Variants in TAF4B observed in about 807,000 individuals in gnomAD.
The protein encoded by TAF4B is transcription initiation factor TFIID subunit 4B.
TAF4B carries 38 observed loss-of-function variants against 86.4 expected under a neutral mutation model. The observed-to-expected ratio is 0.44, with a 90% CI of 0.34 to 0.58. The LOEUF is 0.58. TAF4B is among the 20% of genes least tolerant of loss of function. TAF4B has a pLI of 0.02. For synonymous variants in TAF4B, 388 were observed against 391.2 expected (o/e 0.99, Z 0.10); for missense variants, 988 against 1,027.6 (o/e 0.96, Z 0.53).
rs759375978 is a variant in TAF4B, at chr18:26,315,427, G to C, written c.2002+29G>C. On this transcript the variant is annotated intron_variant, in intron 10 of 14. Coordinates refer to ENST00000269142, the MANE Select transcript of TAF4B (RefSeq NM_005640.3). ...AGTGTAGAGTTATGATTATTGACCTGATAGAGATGTCTGTTTGAGGGAAAA... is the reference window on the plus strand; with the variant it reads ...AGTGTAGAGTTATGATTATTGACCTCATAGAGATGTCTGTTTGAGGGAAAA... 5.3e-6 allele frequency: 8 copies of C among 1,510,014 alleles called. No homozygotes were observed. The East Asian group carries it at 1.8e-4, about 35-fold the overall frequency. The allele number at this position is 1,510,014 out of a possible 1,614,324, so 93.5% of individuals were successfully genotyped here.
intron 14 of TAF4B, among the ~76,000 whole-genome samples, chr18:26,387,623 A>G (rs1978449937): frequency 6.6e-6 from 1 of 152,170 alleles, no homozygotes; most frequent in South Asian, 2.1e-4. Context: ...ACACTTGTAC[A>G]AATTGCATTC....
At chr18:26,332,807 C>T (rs546541804) in intron 12 of TAF4B, among the ~76,000 whole-genome samples, 2 of 152,144 alleles carry the variant, frequency 1.3e-5, no homozygotes, top group South Asian at 4.2e-4. Context: ...GCTGGGATTA[C>T]AGGCGTGAGC....
At chr18:26,377,419 C>T (rs1361717966) in intron 14 of TAF4B, among the ~76,000 whole-genome samples, 1 of 152,018 alleles carries the variant, frequency 6.6e-6, no homozygotes. Context: ...GTCTTGTATC[C>T]TTTTTTATTC....
chr18:26,262,210 T>G (rs1598736597), intron 1 of TAF4B, among the ~76,000 whole-genome samples: 1 of 136,158 alleles, frequency 7.3e-6, no homozygotes, highest in Non-Finnish European at 1.6e-5. Context: ...GGATGGGGGG[T>G]GAGGATTGGG....
At chr18:26,315,152 C>CTG (rs1568148058) in intron 9 of TAF4B, 77 bp from the exon 10 acceptor site, 170 of 506,980 alleles carry the variant, frequency 3.4e-4, no homozygotes, top group Middle Eastern at 1.5e-3. Flanking sequence ...CTCTGTCTCT[C>CTG]TCTCTCTCTC....
intron 9 of TAF4B, among the ~76,000 whole-genome samples, chr18:26,304,495 T>C (rs1263755303): frequency 6.6e-6 from 1 of 152,226 alleles, no homozygotes; most frequent in Non-Finnish European, 1.5e-5. Context: ...TCTAAAACTT[T>C]GTGGGACAGG....
intron 1 of TAF4B, among the ~76,000 whole-genome samples, chr18:26,251,572 A>C (rs991908742): frequency 2.0e-5 from 3 of 152,174 alleles, no homozygotes; most frequent in Non-Finnish European, 4.4e-5. Flanking sequence ...TTAATATCTT[A>C]ATATTTATAG....
chr18:26,345,328 T>C (rs1324841839), intron 13 of TAF4B, among the ~76,000 whole-genome samples: 1 of 152,196 alleles, frequency 6.6e-6, no homozygotes, highest in Admixed American at 6.5e-5. Context: ...TCTGTGCACC[T>C]GTGTTTTTCG....
intron 13 of TAF4B, among the ~76,000 whole-genome samples, chr18:26,339,265 A>G (rs2057117742): frequency 6.6e-6 from 1 of 152,168 alleles, no homozygotes; most frequent in African/African-American, 2.4e-5. Flanking sequence ...TTTTCCTAAA[A>G]TGTAAGTACC....
chr18:26,347,426 C>G lies in TAF4B; in HGVS notation c.2317-10264C>G, dbSNP rs190525693. The stretch of plus-strand genomic sequence containing the variant: ...ATAAAACTCACTGGTAGAACCAATA[C>G]AGAAAAGAGAAATAGAAAGGAATCA... On this transcript the variant is annotated intron_variant, in intron 13 of 14. Coordinates refer to ENST00000269142, the MANE Select transcript of TAF4B (RefSeq NM_005640.3). Among the ~76,000 whole-genome samples, 1,496 of 151,896 alleles carry G rather than the reference C, an allele frequency of 9.8e-3. 12 individuals carry two copies. Among genetic ancestry groups the G allele is most frequent in the African/African-American group, 0.034 (1,390 of 41,362 alleles).
At chr18:26,264,720 T>C (rs749400599) in intron 1 of TAF4B, among the ~76,000 whole-genome samples, 1 of 152,234 alleles carries the variant, frequency 6.6e-6, no homozygotes. Flanking sequence ...TTTTATCTTT[T>C]TCGTATAGAT....
chr18:26,387,631 T>C (rs1376880633), intron 14 of TAF4B, among the ~76,000 whole-genome samples: 1 of 152,146 alleles, frequency 6.6e-6, no homozygotes, highest in Non-Finnish European at 1.5e-5. Context: ...ACAAATTGCA[T>C]TCATTACCAA....
chr18:26,364,997 CTATTCTTTT>C (rs1360954262), intron 14 of TAF4B, among the ~76,000 whole-genome samples: 3 of 139,832 alleles, frequency 2.1e-5, no homozygotes, highest in African/African-American at 8.1e-5. Flanking sequence ...CTCTATAATT[CTATTCTTTT>C]TTTTTTTTTT....
chr18:26,285,937 A>G lies in TAF4B; in HGVS notation c.1028A>G (p.Gln343Arg). Reference protein sequence around the residue: ...LLPNSQSFIQQCVQQTSSDMV... With the variant: ...LLPNSQSFIQRCVQQTSSDMV... ...CCTAACTCCCAGAGCTTCATCCAGC[A>G]ATGTGTTCAGCAGACTTCTAGTGAC... is the stretch of plus-strand genomic sequence containing the variant. The change falls in exon 7 of 15, where the codon CAA becomes CGA. Residue 343 changes from glutamine (Q) to arginine (R), a missense_variant. Coordinates refer to ENST00000269142, the MANE Select transcript of TAF4B (RefSeq NM_005640.3). 1 of 1,614,134 alleles carries G rather than the reference A, an allele frequency of 6.2e-7. No individual in the cohort carries two copies. Among genetic ancestry groups the G allele is most frequent in the Non-Finnish European group, 8.5e-7 (1 of 1,180,006 alleles).
At chr18:26,385,590 T>A (rs1978326522) in intron 14 of TAF4B, among the ~76,000 whole-genome samples, 1 of 152,100 alleles carries the variant, frequency 6.6e-6, no homozygotes, top group Admixed American at 6.5e-5. Context: ...AGAATCCAGA[T>A]TAAGGAATAT....
intron 9 of TAF4B, among the ~76,000 whole-genome samples, chr18:26,297,487 A>G (rs911372870): frequency 1.3e-5 from 2 of 152,178 alleles, no homozygotes; most frequent in African/African-American, 4.8e-5. Context: ...TTCTAGAGCA[A>G]TGTTTTGTGC....
At chr18:26,321,289 G>A (rs1046152476) in intron 11 of TAF4B, 89 bp downstream of exon 11, 1 of 1,391,006 alleles carries the variant, frequency 7.2e-7, no homozygotes, top group Non-Finnish European at 9.9e-7. Context: ...CGTTTTTAAA[G>A]GAATGGTTGA....
intron 14 of TAF4B, among the ~76,000 whole-genome samples, chr18:26,359,883 A>AT (rs11414642): frequency 0.48 from 69,000 of 144,836 alleles, 18,807 homozygotes; most frequent in East Asian, 0.82. Context: ...TGCCTGGCTA[A>AT]TTTTTTTTTT....
intron 13 of TAF4B, among the ~76,000 whole-genome samples, chr18:26,346,195 A>C (rs2057177551): frequency 6.6e-6 from 1 of 152,104 alleles, no homozygotes; most frequent in Non-Finnish European, 1.5e-5. Context: ...CAGAAATCCT[A>C]CAGCTGTAGA....
Sources: gnomAD v4.1 joint callset for allele counts (sites outside exome capture counted in the v4.1 genomes callset) on GRCh38, gnomAD v4.1.1 for gene constraint, MANE v1.5 for transcripts, NCBI Gene and HGNC (gene_info 2026-07-23, HGNC 2026-07-21) for gene names.